LAMA2: variants seen among roughly 807,000 people sequenced by gnomAD.
LAMA2 encodes laminin subunit alpha 2.
A neutral mutation model predicts 364.8 loss-of-function variants in LAMA2; 269 were observed. That is an observed-to-expected ratio of 0.74 (90% CI 0.67 to 0.82). LAMA2 has a LOEUF of 0.82. Among genes scored for constraint, LAMA2 ranks in the 40% least tolerant of loss-of-function variants. The pLI, the probability that LAMA2 is intolerant of heterozygous loss-of-function variation, is 0.00. For missense variants in LAMA2, 3,807 were observed against 3,873.2 expected (o/e 0.98, Z 0.45); for synonymous variants, 1,379 against 1,370.6 (o/e 1.01, Z -0.14).
chr6:128,910,998 A>G (rs999045528), intron 1 of LAMA2, among the ~76,000 whole-genome samples: 4 of 151,100 alleles, frequency 2.6e-5, no homozygotes, highest in African/African-American at 9.8e-5. Context: ...GCCCGTTCTT[A>G]GATCTCCAGC....
At chr6:129,117,851 C>T (rs746719977) in intron 4 of LAMA2, among the ~76,000 whole-genome samples, 22 of 152,146 alleles carry the variant, frequency 1.4e-4, no homozygotes, top group Non-Finnish European at 2.6e-4. Context: ...CAAGTTTATA[C>T]AGCTGGTAAG....
At chr6:129,146,618 CTATG>C (rs1398544085) in intron 5 of LAMA2, among the ~76,000 whole-genome samples, 1 of 151,974 alleles carries the variant, frequency 6.6e-6, no homozygotes, top group Admixed American at 6.6e-5. Context: ...TTGCAAGAAA[CTATG>C]TAAAACAACT....
intron 7 of LAMA2, among the ~76,000 whole-genome samples, chr6:129,150,689 C>T (rs1022972795): frequency 5.3e-5 from 8 of 152,048 alleles, no homozygotes; most frequent in African/African-American, 1.2e-4. Context: ...GAGGGGAGGT[C>T]GTATTTCCAA....
chr6:129,034,539 TG>T (rs1369826415), intron 1 of LAMA2, among the ~76,000 whole-genome samples: 1 of 152,058 alleles, frequency 6.6e-6, no homozygotes, highest in Non-Finnish European at 1.5e-5. Flanking sequence ...TATTGTGTAA[TG>T]GTGAGGTTTG....
chr6:129,304,857 G>T (rs1773769373), intron 22 of LAMA2, among the ~76,000 whole-genome samples: 1 of 152,156 alleles, frequency 6.6e-6, no homozygotes, highest in African/African-American at 2.4e-5. Context: ...CAGACCTTTT[G>T]AAAATTATTG....
intron 1 of LAMA2, among the ~76,000 whole-genome samples, chr6:128,920,257 A>G (rs1038151115): frequency 2.6e-5 from 4 of 151,746 alleles, no homozygotes; most frequent in African/African-American, 4.8e-5. Context: ...TCCCGGGTTC[A>G]AGCGATTCTC....
chr6:128,955,499 A>C (rs1470660454), intron 1 of LAMA2, among the ~76,000 whole-genome samples: 1 of 151,998 alleles, frequency 6.6e-6, no homozygotes, highest in Non-Finnish European at 1.5e-5. Flanking sequence ...TTGAAACTCA[A>C]AAACAGAAGG....
chr6:129,401,175 G>A, intron 37 of LAMA2, 49 bp from the exon 38 acceptor site: 1 of 1,152,794 alleles, frequency 8.7e-7, no homozygotes, highest in South Asian at 1.2e-5. Context: ...ACAAGGGGTA[G>A]GATTTTATGA....
intron 44 of LAMA2, among the ~76,000 whole-genome samples, chr6:129,443,475 G>T (rs1052931130): frequency 2.0e-5 from 3 of 152,108 alleles, no homozygotes; most frequent in Admixed American, 6.6e-5. Flanking sequence ...GTGGAAAACT[G>T]AATTTCTCTA....
chr6:128,922,077 T>A (rs1275903523), intron 1 of LAMA2, among the ~76,000 whole-genome samples: 2 of 152,200 alleles, frequency 1.3e-5, no homozygotes, highest in African/African-American at 4.8e-5. Flanking sequence ...ATGGTGTATA[T>A]GTGCCACATT....
intron 8 of LAMA2, chr6:129,158,138 G>T (rs1779234249): frequency 4.3e-6 from 7 of 1,612,372 alleles, no homozygotes; most frequent in Non-Finnish European, 3.4e-6. Context: ...GCAGGGCTCT[G>T]GTGTCCAGCG....
chr6:128,924,024 G>T (rs1375092435), intron 1 of LAMA2, among the ~76,000 whole-genome samples: 1 of 152,050 alleles, frequency 6.6e-6, no homozygotes, highest in Non-Finnish European at 1.5e-5. Flanking sequence ...AACTGCAAGG[G>T]GCTGAGAAGT....
rs537637580 is a variant in LAMA2 at position 129,208,604 on chromosome 6, G to A, written c.1782+15751G>A. ...AGAAAGGAGGAAGGAAAGAAGAGAGGGAGAAAGAATGGAAGAAAGAAAGAA... is the reference window on the plus strand; with the variant it reads ...AGAAAGGAGGAAGGAAAGAAGAGAGAGAGAAAGAATGGAAGAAAGAAAGAA... On this transcript the variant is annotated intron_variant, in intron 12 of 64. Transcript: ENST00000421865. Among the ~76,000 whole-genome samples, 20 of 142,684 alleles carry A rather than the reference G, an allele frequency of 1.4e-4. No individual in the cohort carries two copies. The South Asian group carries it at 4.5e-3, about 32-fold the overall frequency. The allele number at this position is 142,684 out of a possible 152,430, so 93.6% of individuals were successfully genotyped here.
intron 41 of LAMA2, among the ~76,000 whole-genome samples, chr6:129,437,685 A>C (rs1781901185): frequency 6.6e-6 from 1 of 152,004 alleles, no homozygotes; most frequent in African/African-American, 2.4e-5. Context: ...GATTTTTCAT[A>C]TTTTGTTTTT....
At chr6:129,391,375 A>G in intron 35 of LAMA2, 116 bp from the exon 36 acceptor site, 4 of 865,596 alleles carry the variant, frequency 4.6e-6, no homozygotes, top group Non-Finnish European at 7.8e-6. Flanking sequence ...CAGCAGGAAC[A>G]CTCACGGCAA....
chr6:129,429,599 T>C lies in LAMA2; in HGVS notation c.5968+1745T>C, dbSNP rs187069797. ...GAAATAAAACTCCCTACACACATAA[T>C]TCTGCTCAGCAGGTACCTCTTATTA... On this transcript the variant is annotated intron_variant, in intron 41 of 64. Coordinates refer to ENST00000421865, the MANE Select transcript of LAMA2 (RefSeq NM_000426.4). Among the ~76,000 whole-genome samples the C allele has an allele frequency of 1.2e-3, 190 of 152,316 alleles. 1 individual carries two copies. The highest frequency in any genetic ancestry group is 2.5e-3 in the Non-Finnish European group (167 of 68,030).
chr6:129,097,127 C>G (rs1052468347), intron 3 of LAMA2, among the ~76,000 whole-genome samples: 10 of 152,196 alleles, frequency 6.6e-5, no homozygotes, highest in African/African-American at 2.4e-4. Context: ...TTAGAGCTGC[C>G]AAGCTCTCAT....
At chr6:128,922,496 T>G (rs1778804376) in intron 1 of LAMA2, among the ~76,000 whole-genome samples, 1 of 151,490 alleles carries the variant, frequency 6.6e-6, no homozygotes, top group Admixed American at 6.6e-5. Flanking sequence ...TTTGGCTGCA[T>G]AAATGTCTTC....
At chr6:129,167,019 C>T (rs545094317) in intron 9 of LAMA2, among the ~76,000 whole-genome samples, 6 of 152,170 alleles carry the variant, frequency 3.9e-5, no homozygotes, top group South Asian at 4.1e-4. Context: ...CATATAATTA[C>T]TTTTCAATTA....
Sources: gnomAD v4.1 joint callset for allele counts (sites outside exome capture counted in the v4.1 genomes callset) on GRCh38, gnomAD v4.1.1 for gene constraint, MANE v1.5 for transcripts, NCBI Gene and HGNC (gene_info 2026-07-23, HGNC 2026-07-21) for gene names.